Variants in AFF2 observed in about 807,000 individuals in gnomAD.
AFF2 encodes the protein AF4/FMR2 family member 2.
A neutral mutation model predicts 76.9 loss-of-function variants in AFF2; 14 were observed. The ratio of observed to expected loss-of-function variants is 0.18; its 90% confidence interval spans 0.12 to 0.28. The LOEUF (loss-of-function observed/expected upper bound fraction) is 0.28, where lower values mean the gene tolerates loss of function less well. Among genes scored for constraint, AFF2 ranks in the 10% least tolerant of loss-of-function variants. The probability of loss-of-function intolerance (pLI) is 1.00; values close to 1 mark genes in which losing one functional copy is unlikely to be tolerated. For missense variants in AFF2, 868 were observed against 1,001.1 expected (o/e 0.87, Z 1.79); for synonymous variants, 398 against 366.7 (o/e 1.09, Z -0.98).
At chrX:148,735,000 G>A (rs189418247) in intron 3 of AFF2, among the ~76,000 whole-genome samples, 1 of 112,026 alleles carries the variant, frequency 8.9e-6, no homozygotes, top group Non-Finnish European at 1.9e-5. Flanking sequence ...GTCATTGTGT[G>A]CCTATAGCTA....
At chrX:148,916,327 A>G (rs1409882535) in intron 9 of AFF2, among the ~76,000 whole-genome samples, 2 of 100,125 alleles carry the variant, frequency 2.0e-5, no homozygotes, top group African/African-American at 7.7e-5. Context: ...CTCCTGCCTC[A>G]GCCTCCCGAG....
At chrX:148,872,976 A>G (rs5980389) in intron 7 of AFF2, among the ~76,000 whole-genome samples, 1,838 of 111,716 alleles carry the variant, frequency 0.016, 44 homozygotes, top group African/African-American at 0.057. Context: ...TTCAGTCCAC[A>G]GTGGTATCTT....
At chrX:148,840,794 CA>C (rs1557274223) in intron 5 of AFF2, among the ~76,000 whole-genome samples, 1 of 111,979 alleles carries the variant, frequency 8.9e-6, no homozygotes, top group African/African-American at 3.2e-5. Flanking sequence ...TGGTGATATA[CA>C]AAGGAGTTTC....
chrX:148,960,359 A>G (rs1052023883), intron 12 of AFF2, among the ~76,000 whole-genome samples: 2 of 112,463 alleles, frequency 1.8e-5, no homozygotes, highest in Admixed American at 9.4e-5. Context: ...CTGCTGCCCT[A>G]TGCCTGCTTG....
chrX:148,899,084 G>A (rs1276470193), intron 8 of AFF2, among the ~76,000 whole-genome samples: 2 of 111,396 alleles, frequency 1.8e-5, no homozygotes, highest in Admixed American at 9.5e-5. Context: ...TATAATCCCC[G>A]TATGACAAGT....
intron 1 of AFF2, among the ~76,000 whole-genome samples, chrX:148,534,554 T>G (rs1450691511): frequency 8.9e-6 from 1 of 112,470 alleles, no homozygotes; most frequent in African/African-American, 3.2e-5. Flanking sequence ...CACATAGTTT[T>G]GTAGGCCCCA....
Position 148,765,150 on chromosome X carries a change from T to C in AFF2, c.1042-44726T>C, listed in dbSNP as rs1459635633. Among the ~76,000 whole-genome samples, 3 of 112,256 alleles carry C rather than the reference T, an allele frequency of 2.7e-5. No homozygotes were observed. In the Admixed American group the frequency reaches 2.8e-4, roughly 11 times the overall value. ...ATCCTCACGCCTCGACCTCCCAAAG[T>C]GCTGGGATTACAGGCATGAGCCACC... On this transcript the variant is annotated intron_variant, in intron 3 of 20. Transcript: ENST00000370460.
intron 1 of AFF2, among the ~76,000 whole-genome samples, chrX:148,535,429 C>G (rs75057834): frequency 1.8e-5 from 2 of 110,714 alleles, no homozygotes; most frequent in African/African-American, 6.6e-5. Context: ...TTTTCATTGA[C>G]TAAATCTGTC....
At chrX:148,757,377 C>T (rs1314392598) in intron 3 of AFF2, among the ~76,000 whole-genome samples, 1 of 111,441 alleles carries the variant, frequency 9.0e-6, no homozygotes. Flanking sequence ...TTATCAGATA[C>T]ATATATGCCT....
chrX:148,946,012 C>G (rs1451715718), intron 9 of AFF2, among the ~76,000 whole-genome samples: 1 of 112,284 alleles, frequency 8.9e-6, no homozygotes, highest in African/African-American at 3.2e-5. Context: ...AAAGGACAAC[C>G]AAGCCCTGAT....
chrX:148,517,955 G>A (rs1422147857), intron 1 of AFF2, among the ~76,000 whole-genome samples: 1 of 107,561 alleles, frequency 9.3e-6, no homozygotes, highest in Non-Finnish European at 1.9e-5. Context: ...CCTGGGAGGC[G>A]GGGCTTGCAG....
intron 3 of AFF2, among the ~76,000 whole-genome samples, chrX:148,754,042 T>C (rs1345504735): frequency 9.0e-6 from 1 of 111,253 alleles, no homozygotes; most frequent in Non-Finnish European, 1.9e-5. Flanking sequence ...ATCAAGAGCT[T>C]CCCATCCAAT....
At chrX:148,804,281 C>G (rs1557271152) in intron 3 of AFF2, among the ~76,000 whole-genome samples, 1 of 111,927 alleles carries the variant, frequency 8.9e-6, no homozygotes, top group Non-Finnish European at 1.9e-5. Flanking sequence ...GGTCATAAAG[C>G]AAGTTGAACT....
At chrX:148,569,285 A>T (rs782642514) in intron 1 of AFF2, among the ~76,000 whole-genome samples, 1 of 111,192 alleles carries the variant, frequency 9.0e-6, no homozygotes, top group Non-Finnish European at 1.9e-5. Flanking sequence ...CATATAGAAG[A>T]TGTACAATGT....
chrX:148,899,958 A>G (rs1292921410), intron 8 of AFF2, among the ~76,000 whole-genome samples: 1 of 110,384 alleles, frequency 9.1e-6, no homozygotes, highest in Non-Finnish European at 1.9e-5. Flanking sequence ...AAATATATAT[A>G]TATATAACCC....
chrX:148,744,589 A>T lies in AFF2; in HGVS notation c.1042-65287A>T, dbSNP rs73638184. On this transcript the variant is annotated intron_variant, in intron 3 of 20. Transcript: ENST00000370460. ...ATGTCATTAGATAGTCTTCAGAATT[A>T]TAATTTTAAGCTCCCAATGCCTTTC... Among the ~76,000 whole-genome samples, 670 of 111,159 alleles carry T rather than the reference A, an allele frequency of 6.0e-3. 6 individuals are homozygous for T. The highest frequency in any genetic ancestry group is 0.021 in the African/African-American group (648 of 30,559).
intron 9 of AFF2, among the ~76,000 whole-genome samples, chrX:148,950,146 T>G (rs900036661): frequency 1.8e-5 from 2 of 112,707 alleles, no homozygotes; most frequent in Non-Finnish European, 3.7e-5. Context: ...AAGCCAACTA[T>G]TCAGACATTG....
chrX:148,775,491 A>C (rs1048285707), intron 3 of AFF2, among the ~76,000 whole-genome samples: 2 of 112,328 alleles, frequency 1.8e-5, no homozygotes, highest in African/African-American at 6.5e-5. Context: ...TAGTTTCTCT[A>C]TGGCAAGTGT....
intron 3 of AFF2, among the ~76,000 whole-genome samples, chrX:148,666,690 G>C (rs1477592623): frequency 9.0e-6 from 1 of 111,599 alleles, no homozygotes; most frequent in African/African-American, 3.3e-5. Context: ...ACAAAATGCT[G>C]ATGTGTTCTG....
Sources: allele counts gnomAD v4.1 joint callset (sites outside exome capture counted in the v4.1 genomes callset), GRCh38; gene constraint gnomAD v4.1.1; transcripts MANE v1.5; gene names NCBI Gene and HGNC (gene_info 2026-07-23, HGNC 2026-07-21).